FCRLB: variants seen among roughly 807,000 people sequenced by gnomAD.
FCRLB encodes the protein Fc receptor like B, also known as Fc receptor-like B.
FCRLB carries 34 observed loss-of-function variants against 33.6 expected under a neutral mutation model. The ratio of observed to expected loss-of-function variants is 1.01; its 90% CI spans 0.77 to 1.35. The LOEUF (loss-of-function observed/expected upper bound fraction) is 1.35, where lower values mean the gene tolerates loss of function less well. FCRLB is among the 40% of genes most tolerant of loss of function. The probability of loss-of-function intolerance (pLI) is 0.00; values close to 1 mark genes in which losing one functional copy is unlikely to be tolerated. For synonymous variants in FCRLB, 280 were observed against 255.9 expected (o/e 1.09, Z -0.90); for missense variants, 560 against 580.2 (o/e 0.97, Z 0.36).
At chr1:161,727,258 G>T (rs991727804) in exon 8 of FCRLB, 19 of 1,606,618 alleles carry the variant, frequency 1.2e-5, no homozygotes, top group Non-Finnish European at 1.6e-5. Flanking sequence ...TTCTCCCCTG[G>T]ACCCGGCCTC....
Position 161,726,574 on chromosome 1 carries a change from T to G in FCRLB, c.575-129T>G. 2 of 1,285,668 alleles carry G rather than the reference T, an allele frequency of 1.6e-6. No individual in the cohort carries two copies. Among genetic ancestry groups the G allele is most frequent in the Non-Finnish European group, 2.2e-6 (2 of 919,224 alleles). 79.6% of individuals were successfully genotyped at this position (1,285,668 alleles called of 1,614,324 possible). On this transcript the variant is annotated intron_variant, in intron 6 of 7. Coordinates refer to ENST00000367948, the Ensembl canonical transcript of FCRLB. The surrounding 1 kb of genome is among the most constrained non-coding windows in gnomAD (Gnocchi z 5.2). ...AGAAGGCTCCCCTTCCCCCTCCACG[T>G]GGACACACGGCCTCCTCCCCTCCCC...
At chr1:161,723,834 C>A (rs927868668) in intron 5 of FCRLB, among the ~76,000 whole-genome samples, 2 of 152,230 alleles carry the variant, frequency 1.3e-5, no homozygotes, top group African/African-American at 4.8e-5. Context: ...CCCTTACCCT[C>A]CTGCCATAGT....
At chr1:161,727,549 C>T in exon 8 of FCRLB, 1 of 1,614,188 alleles carries the variant, frequency 6.2e-7, no homozygotes, top group South Asian at 1.1e-5. Context: ...CCGGGTGGTC[C>T]TGGAATTAAA....
At chr1:161,727,063 C>A in intron 7 of FCRLB, 70 bp downstream of exon 7, 1 of 1,410,916 alleles carries the variant, frequency 7.1e-7, no homozygotes, top group African/African-American at 1.5e-5. Context: ...TCGGCACCCA[C>A]GAATCACCCC....
At chr1:161,727,859 T>C in exon 8 of FCRLB, 1 of 620,232 alleles carries the variant, frequency 1.6e-6, no homozygotes, top group Non-Finnish European at 2.7e-6. Context: ...CTTTGAATTC[T>C]CACAGAATTC....
chr1:161,724,949 A>G (rs1191759964), intron 5 of FCRLB, among the ~76,000 whole-genome samples: 1 of 152,186 alleles, frequency 6.6e-6, no homozygotes, highest in Non-Finnish European at 1.5e-5. Flanking sequence ...GAACTTAAAC[A>G]GGTGAAAGAG....
At chr1:161,723,126 C>G (rs910420238) in intron 4 of FCRLB, 117 bp downstream of exon 4, 146 of 1,332,018 alleles carry the variant, frequency 1.1e-4, no homozygotes, top group Non-Finnish European at 1.5e-4. Context: ...TCTCTTCCCA[C>G]TCTCGTCAAC....
At chr1:161,725,226 T>A (rs755142677) in intron 5 of FCRLB, among the ~76,000 whole-genome samples, 1 of 152,180 alleles carries the variant, frequency 6.6e-6, no homozygotes, top group African/African-American at 2.4e-5. Flanking sequence ...GTCTCTGGCA[T>A]CTTTGCTCCC....
chr1:161,722,778 G>A, intron 3 of FCRLB, 75 bp downstream of exon 3: 1 of 1,575,692 alleles, frequency 6.3e-7, no homozygotes, highest in Non-Finnish European at 8.7e-7. Context: ...GGGAGAGGAG[G>A]GTGGGTATCC....
intron 4 of FCRLB, 101 bp downstream of exon 4, chr1:161,723,110 A>G (rs1184914125): frequency 1.4e-6 from 2 of 1,450,920 alleles, no homozygotes; most frequent in Non-Finnish European, 1.9e-6. Context: ...CTGCGCTGGG[A>G]TAGTGTCTCT....
intron 5 of FCRLB, among the ~76,000 whole-genome samples, chr1:161,724,396 C>G (rs922197113): frequency 6.8e-6 from 1 of 146,688 alleles, no homozygotes; most frequent in African/African-American, 2.5e-5. Flanking sequence ...TCAAGACCAG[C>G]CTGGCCAACA....
At chr1:161,722,235 G>A (rs4996823) in intron 2 of FCRLB, among the ~76,000 whole-genome samples, 18,921 of 152,176 alleles carry the variant, frequency 0.12, 2,338 homozygotes, top group African/African-American at 0.31. Context: ...GGTCCTTAAG[G>A]ACATGAGGCC....
exon 3 of FCRLB, chr1:161,722,660 A>G (rs775211957): frequency 6.2e-7 from 1 of 1,614,098 alleles, no homozygotes; most frequent in South Asian, 1.1e-5. Context: ...CAGCTGCTGC[A>G]GTCAGATCCA....
exon 6 of FCRLB, chr1:161,725,947 G>T (rs1158098941): frequency 6.2e-7 from 1 of 1,614,244 alleles, no homozygotes; most frequent in Middle Eastern, 1.6e-4. Context: ...CAGGCCGTGC[G>T]CTACTTCCAC....
At position 161,726,244 on chromosome 1, in the gene FCRLB, A is replaced by G; in HGVS notation, c.574+157A>G. Reference sequence around the variant, plus strand: ...CGCTGTCTCCTCTCCTTTGCCGTGAAGCAGCGCTTGATCCGCCGCCTGCTT... The same window carrying G: ...CGCTGTCTCCTCTCCTTTGCCGTGAGGCAGCGCTTGATCCGCCGCCTGCTT... On this transcript the variant is annotated intron_variant, in intron 6 of 7. Transcript: ENST00000367948. This position sits in a 1 kb window ranked among gnomAD's most constrained non-coding sequence, Gnocchi z 5.2. 1 of 1,291,094 alleles carries G rather than the reference A, an allele frequency of 7.7e-7. No homozygotes were observed. Among genetic ancestry groups the G allele is most frequent in the Non-Finnish European group, 1.1e-6 (1 of 919,320 alleles). The allele number at this position is 1,291,094 out of a possible 1,614,324, so 80.0% of individuals were successfully genotyped here.
chr1:161,721,996 A>G (rs918726808), intron 2 of FCRLB, 146 bp downstream of exon 2: 1 of 152,200 alleles, frequency 6.6e-6, no homozygotes, highest in African/African-American at 2.4e-5. Context: ...CTTCTTAAGA[A>G]TTTAAGAATT....
Position 161,726,742 on chromosome 1 carries a change from G to C in FCRLB, c.614G>C (p.Arg205Pro), listed in dbSNP as rs766436001. 6.3e-7 allele frequency: 1 copy of C among 1,594,370 alleles called. No individual in the cohort carries two copies. Among genetic ancestry groups the C allele is most frequent in the South Asian group, 1.1e-5 (1 of 89,324 alleles). Residue 205 changes from arginine to proline, a missense_variant, in exon 7 of 8, where the codon CGG (arginine) becomes CCG (proline). Physicochemically the swap from Arg to Pro is moderately radical, Grantham distance 103. Transcript: ENST00000367948. The surrounding 1 kb of genome is among the most constrained non-coding windows in gnomAD (Gnocchi z 5.2). Reference sequence around the variant, plus strand: ...CCGGTGCTGAGGGTGATGGGTCCGCGGGAGGCCCGCGGCGCGGCGCTGGGT... The same window carrying C: ...CCGGTGCTGAGGGTGATGGGTCCGCCGGAGGCCCGCGGCGCGGCGCTGGGT...
intron 7 of FCRLB, 97 bp from the exon 8 acceptor site, chr1:161,727,150 C>G: frequency 1.4e-6 from 2 of 1,389,430 alleles, no homozygotes; most frequent in Non-Finnish European, 1.9e-6. Flanking sequence ...CTCTTCCGGC[C>G]TTCCCCATCC....
Position 161,726,002 on chromosome 1 carries a change from C to A in FCRLB, c.489C>A (p.Ser163Arg). 1.9e-6 allele frequency: 3 copies of A among 1,614,150 alleles called. No individual in the cohort carries two copies. Among genetic ancestry groups the A allele is most frequent in the Middle Eastern group, 1.7e-4 (1 of 6,060 alleles). Residue 163 changes from serine to arginine, a missense_variant, in exon 6 of 8, where the codon AGC becomes AGA. Ser to Arg is a moderately radical substitution (Grantham distance 110, BLOSUM62 -1). Transcript: ENST00000367948. This position sits in a 1 kb window ranked among gnomAD's most constrained non-coding sequence, Gnocchi z 5.2. ...TGTTACAGGCGCGTGCCAGCGACAGCGGGCGCTACCAGTGCTCGGGCACCA... is the reference window on the plus strand; with the variant it reads ...TGTTACAGGCGCGTGCCAGCGACAGAGGGCGCTACCAGTGCTCGGGCACCA...
Sources: gnomAD v4.1 joint callset for allele counts (sites outside exome capture counted in the v4.1 genomes callset) on GRCh38, gnomAD v4.1.1 for gene constraint, Gnocchi (gnomAD v3.1) non-coding constraint, MANE v1.5 for transcripts, NCBI Gene and HGNC (gene_info 2026-07-23, HGNC 2026-07-21) for gene names.